Variants in CTNNA3 observed in about 807,000 individuals in gnomAD.
CTNNA3 encodes the protein catenin alpha-3.
CTNNA3 carries 76 observed loss-of-function variants against 95.7 expected under a neutral mutation model. That is an observed-to-expected ratio of 0.79 (90% CI 0.66 to 0.96). CTNNA3 has a LOEUF of 0.96. CTNNA3 is among the 40% of genes least tolerant of loss of function. The pLI is 0.00. For missense variants in CTNNA3, 1,191 were observed against 1,089.8 expected, an observed-to-expected ratio of 1.09 and a Z score of -1.31; for synonymous variants, 431 against 374.4, an observed-to-expected ratio of 1.15 and a Z score of -1.74.
intron 5 of CTNNA3, among the ~76,000 whole-genome samples, chr10:67,405,076 G>A (rs1196416522): frequency 1.3e-5 from 2 of 152,092 alleles, no homozygotes; most frequent in Non-Finnish European, 2.9e-5. Context: ...ATATAAAAAG[G>A]GAAAACTGTT....
intron 11 of CTNNA3, among the ~76,000 whole-genome samples, chr10:66,471,677 C>A (rs1214280568): frequency 1.3e-5 from 2 of 151,634 alleles, no homozygotes; most frequent in Non-Finnish European, 2.9e-5. Context: ...TACCTAGTGA[C>A]ATCACATATA....
At chr10:66,184,485 GA>G (rs1473926131) in intron 13 of CTNNA3, among the ~76,000 whole-genome samples, 1 of 152,038 alleles carries the variant, frequency 6.6e-6, no homozygotes, top group African/African-American at 2.4e-5. Flanking sequence ...ACAGTTCTAA[GA>G]AAGAGATAAA....
chr10:66,096,508 C>A (rs1006297244), intron 14 of CTNNA3, among the ~76,000 whole-genome samples: 11 of 144,430 alleles, frequency 7.6e-5, no homozygotes, highest in Non-Finnish European at 1.5e-4. Context: ...TTTCTTTTTT[C>A]TTTCTTTTCT....
At chr10:66,318,085 G>A (rs1222372560) in intron 12 of CTNNA3, among the ~76,000 whole-genome samples, 1 of 151,896 alleles carries the variant, frequency 6.6e-6, no homozygotes, top group Non-Finnish European at 1.5e-5. Context: ...TCCTTGTACA[G>A]GCTCTTATTT....
intron 5 of CTNNA3, among the ~76,000 whole-genome samples, chr10:67,312,677 G>A (rs1415371352): frequency 1.3e-5 from 2 of 152,212 alleles, no homozygotes; most frequent in Admixed American, 6.5e-5. Flanking sequence ...TGAAACCTGT[G>A]TTTTGTTCAT....
intron 7 of CTNNA3, among the ~76,000 whole-genome samples, chr10:66,895,573 C>G (rs192150700): frequency 1.4e-3 from 215 of 152,184 alleles, no homozygotes; most frequent in African/African-American, 5.0e-3. Context: ...TATGCTATTA[C>G]AATTAACAGC....
intron 12 of CTNNA3, among the ~76,000 whole-genome samples, chr10:66,322,137 T>C (rs917298281): frequency 2.6e-5 from 4 of 152,106 alleles, no homozygotes; most frequent in Non-Finnish European, 4.4e-5. Flanking sequence ...GGAAAACCAT[T>C]GAAGAGCTCT....
At chr10:67,090,582 T>C (rs1857572326) in intron 7 of CTNNA3, among the ~76,000 whole-genome samples, 2 of 152,106 alleles carry the variant, frequency 1.3e-5, no homozygotes, top group African/African-American at 4.8e-5. Flanking sequence ...TTATACAAAT[T>C]ATTTAAACTA....
chr10:66,250,659 A>AGTGGCAC (rs149814390), intron 13 of CTNNA3, among the ~76,000 whole-genome samples: 83,064 of 151,318 alleles, frequency 0.55, 23,931 homozygotes, highest in Middle Eastern at 0.65. Context: ...TTGTTTTATC[A>AGTGGCAC]TTATCAGTGG....
chr10:67,175,548 A>G (rs1862200311), intron 7 of CTNNA3, among the ~76,000 whole-genome samples: 1 of 152,182 alleles, frequency 6.6e-6, no homozygotes, highest in South Asian at 2.1e-4. Context: ...ATGTGCTTCC[A>G]CATAAAACAC....
intron 6 of CTNNA3, among the ~76,000 whole-genome samples, chr10:67,187,415 T>C (rs1862904890): frequency 6.6e-6 from 1 of 152,186 alleles, no homozygotes; most frequent in Non-Finnish European, 1.5e-5. Flanking sequence ...GAAACTGAGA[T>C]GAGACCACCT....
intron 9 of CTNNA3, among the ~76,000 whole-genome samples, chr10:66,657,499 C>T (rs1022730185): frequency 6.6e-6 from 1 of 152,200 alleles, no homozygotes; most frequent in African/African-American, 2.4e-5. Flanking sequence ...AAGCTTACAC[C>T]ATCCAATCTG....
chr10:66,911,998 A>C (rs1846242962), intron 7 of CTNNA3, among the ~76,000 whole-genome samples: 1 of 152,204 alleles, frequency 6.6e-6, no homozygotes, highest in Non-Finnish European at 1.5e-5. Context: ...TAAATCAAAA[A>C]TATTTTCATG....
intron 7 of CTNNA3, among the ~76,000 whole-genome samples, chr10:66,949,718 T>C (rs1289605246): frequency 1.3e-5 from 2 of 152,198 alleles, no homozygotes; most frequent in African/African-American, 2.4e-5. Flanking sequence ...GTCCATTTTC[T>C]TATGCTTGGC....
At chr10:66,324,067 T>C (rs2092223955) in intron 12 of CTNNA3, among the ~76,000 whole-genome samples, 1 of 151,854 alleles carries the variant, frequency 6.6e-6, no homozygotes, top group Non-Finnish European at 1.5e-5. Context: ...TTCGCTTGAA[T>C]TCCCAGCACT....
intron 5 of CTNNA3, among the ~76,000 whole-genome samples, chr10:67,336,734 C>G (rs529429748): frequency 6.6e-6 from 1 of 152,214 alleles, no homozygotes; most frequent in African/African-American, 2.4e-5. Flanking sequence ...TAATTGAAGC[C>G]AATGTTCATT....
intron 5 of CTNNA3, among the ~76,000 whole-genome samples, chr10:67,424,508 A>G (rs1307148294): frequency 1.3e-5 from 2 of 152,186 alleles, no homozygotes; most frequent in Non-Finnish European, 2.9e-5. Context: ...TGGTTTCTAT[A>G]GCATTTCATT....
chr10:67,186,044 A>G (rs7070090), intron 6 of CTNNA3, among the ~76,000 whole-genome samples: 1 of 149,448 alleles, frequency 6.7e-6, no homozygotes, highest in African/African-American at 2.5e-5. Context: ...AAAAAAAAAA[A>G]AATTAAACCA....
chr10:66,764,799 C>T lies in CTNNA3; in HGVS notation c.1281+1465G>A, dbSNP rs148938179. On this transcript the variant is annotated intron_variant, in intron 9 of 17. Transcript: ENST00000433211. ...AATAAATCTTTCTGGAATGTGTAGA[C>T]GAAGGAATAAATAAAAGCAGATAAA... Among the ~76,000 whole-genome samples the T allele has an allele frequency of 4.8e-3, 725 of 150,988 alleles. 6 individuals carry two copies. Among genetic ancestry groups the T allele is most frequent in the African/African-American group, 0.017 (699 of 41,114 alleles).
Sources: gnomAD v4.1 joint callset for allele counts (sites outside exome capture counted in the v4.1 genomes callset) on GRCh38, gnomAD v4.1.1 for gene constraint, MANE v1.5 for transcripts, NCBI Gene and HGNC (gene_info 2026-07-23, HGNC 2026-07-21) for gene names.